Variants in TMEM260 observed in about 807,000 individuals in gnomAD.
The protein encoded by TMEM260 is protein O-mannosyl-transferase TMEM260.
A neutral mutation model predicts 88.9 loss-of-function variants in TMEM260; 82 were observed. That is an observed-to-expected ratio of 0.92 (90% CI 0.77 to 1.11). The LOEUF (loss-of-function observed/expected upper bound fraction) is 1.11, where lower values mean the gene tolerates loss of function less well. Ranked by LOEUF, TMEM260 falls within the 50% of genes least tolerant of loss-of-function variation. TMEM260 has a pLI of 0.00. For missense variants in TMEM260, 902 were observed against 853.4 expected, an observed-to-expected ratio of 1.06 and a Z score of -0.71; for synonymous variants, 314 against 309.3, an observed-to-expected ratio of 1.02 and a Z score of -0.16.
intron 6 of TMEM260, among the ~76,000 whole-genome samples, chr14:56,610,656 AAAG>A (rs1887202479): frequency 6.6e-6 from 1 of 152,196 alleles, no homozygotes; most frequent in South Asian, 2.1e-4. Context: ...TCATAATAAA[AAAG>A]TATTAATTAT....
chr14:56,661,379 G>A, the TMEM260 span, among the ~76,000 whole-genome samples: 1 of 152,152 alleles, frequency 6.6e-6, no homozygotes, highest in African/African-American at 2.4e-5. Flanking sequence ...CCTCGGTGGT[G>A]GAGCAGGAGA....
intron 15 of TMEM260, among the ~76,000 whole-genome samples, chr14:56,643,423 A>G (rs560289763): frequency 6.6e-6 from 1 of 152,300 alleles, no homozygotes; most frequent in African/African-American, 2.4e-5. Flanking sequence ...TGATTATCTC[A>G]ATAGATGCAG....
intron 12 of TMEM260, among the ~76,000 whole-genome samples, chr14:56,630,287 A>G (rs1019822507): frequency 6.6e-6 from 1 of 152,176 alleles, no homozygotes; most frequent in African/African-American, 2.4e-5. Flanking sequence ...GTAAGATTGT[A>G]TCTTTCACAA....
At chr14:56,629,348 T>C (rs1452412603) in intron 12 of TMEM260, among the ~76,000 whole-genome samples, 3 of 149,970 alleles carry the variant, frequency 2.0e-5, no homozygotes, top group Non-Finnish European at 4.4e-5. Context: ...TACTTAGGAG[T>C]AATAATTTAC....
intron 3 of TMEM260, among the ~76,000 whole-genome samples, chr14:56,600,912 AG>A (rs1236422176): frequency 1.3e-5 from 2 of 152,196 alleles, no homozygotes; most frequent in African/African-American, 4.8e-5. Context: ...TATTTTACTC[AG>A]TGGTTTCACA....
At chr14:56,621,330 A>AT (rs142937037) in intron 10 of TMEM260, among the ~76,000 whole-genome samples, 17,201 of 152,004 alleles carry the variant, frequency 0.11, 1,516 homozygotes, top group African/African-American at 0.24. Context: ...CAGTAGACTG[A>AT]TTTTTTTTCA....
At chr14:56,584,729 C>T (rs191258475) in intron 1 of TMEM260, among the ~76,000 whole-genome samples, 7 of 152,246 alleles carry the variant, frequency 4.6e-5, no homozygotes. Context: ...GTGGATACAA[C>T]TTTCAAGAGG....
At chr14:56,599,143 T>C (rs971728589) in intron 3 of TMEM260, among the ~76,000 whole-genome samples, 3 of 152,048 alleles carry the variant, frequency 2.0e-5, no homozygotes, top group Non-Finnish European at 2.9e-5. Flanking sequence ...CCTTCTTACC[T>C]CCTCCATTAG....
In TMEM260 at chr14:56,647,735, A is replaced by T. The variant is rs1461694044; in HGVS notation, c.*238A>T. 4.1e-6 allele frequency: 2 copies of T among 482,760 alleles called. No individual in the cohort carries two copies. Among genetic ancestry groups the T allele is most frequent in the East Asian group, 7.7e-5 (2 of 26,006 alleles). 29.9% of individuals were successfully genotyped at this position (482,760 alleles called of 1,614,324 possible). On this transcript the variant is annotated 3_prime_UTR_variant, in exon 16 of 16. Coordinates refer to ENST00000261556, the MANE Select transcript of TMEM260 (RefSeq NM_017799.4). ...TTACCATTTCAGTGAGAAGCTTTTG[A>T]AAAGTCTTCTGACTTCCAGTCTTTC...
chr14:56,619,466 A>G (rs1370681756), intron 10 of TMEM260: 1 of 152,106 alleles, frequency 6.6e-6, no homozygotes, highest in Non-Finnish European at 1.5e-5. Context: ...GAACCACTAT[A>G]CCAGCCTTAA....
At position 56,636,548 on chromosome 14, in the gene TMEM260, G is replaced by A. The variant is rs1889097161; in HGVS notation, c.1819G>A (p.Ala607Thr). The A allele has an allele frequency of 1.9e-6, 3 of 1,613,984 alleles. No homozygotes were observed. Among genetic ancestry groups the A allele is most frequent in the Non-Finnish European group, 2.5e-6 (3 of 1,179,970 alleles). The change falls in exon 15 of 16, where the codon GCT becomes ACT. Residue 607 changes from alanine (A) to threonine (T), a missense_variant. Ala to Thr is a moderately conservative substitution (Grantham distance 58). Transcript: ENST00000261556. Reference protein sequence around the residue: ...PFFIFNLAETAHMPSKVKAQL... With the variant: ...PFFIFNLAETTHMPSKVKAQL... ...CTTCATCTTTAACCTGGCAGAAACT[G>A]CTCACATGCCTTCAAAAGTGAAAGC...
At chr14:56,579,620 G>A, upstream of TMEM260, 1 of 331,920 alleles carries the variant, frequency 3.0e-6, no homozygotes, top group Non-Finnish European at 5.4e-6. Context: ...GGCCGGGCTT[G>A]CTTTTTAAAG....
Position 56,587,413 on chromosome 14 carries a change from G to A in TMEM260, c.344+1501G>A, listed in dbSNP as rs1042022278. On this transcript the variant is annotated intron_variant, in intron 3 of 15. Coordinates refer to ENST00000261556, the MANE Select transcript of TMEM260 (RefSeq NM_017799.4). ...CCATATGAGAACTACTGTAAGAATCGTAAATAAAAGTCTTAAAAATTTACA... is the reference window on the plus strand; with the variant it reads ...CCATATGAGAACTACTGTAAGAATCATAAATAAAAGTCTTAAAAATTTACA... Among the ~76,000 whole-genome samples, 9 of 151,794 alleles carry A rather than the reference G, an allele frequency of 5.9e-5. No individual in the cohort carries two copies. In the South Asian group the frequency reaches 6.2e-4, roughly 10 times the overall value.
rs146422375 is a variant in TMEM260, at chr14:56,636,583, C to A, written c.1854C>A (p.Tyr618Ter). Residue 618 changes from tyrosine to a stop codon, truncating the protein, a stop_gained, in exon 15 of 16, where the codon TAC becomes TAA. Coordinates refer to ENST00000261556, the MANE Select transcript of TMEM260 (RefSeq NM_017799.4). LOFTEE classifies it high-confidence loss of function. The part of the protein sequence containing the change: ...HMPSKVKAQL[Y>*]AQAYDLYKEI... ...CTTCAAAAGTGAAAGCTCAACTCTA[C>A]GCTCAAGCATATGACGTATGTTACA... 1 of 1,613,780 alleles carries A rather than the reference C, an allele frequency of 6.2e-7. No individual in the cohort carries two copies. Among genetic ancestry groups the A allele is most frequent in the Admixed American group, 1.7e-5 (1 of 60,006 alleles).
downstream of TMEM260, among the ~76,000 whole-genome samples, chr14:56,653,741 C>CAAAAAAAAAACAAAACA (rs1555343551): frequency 1.0e-5 from 1 of 97,912 alleles, no homozygotes; most frequent in Admixed American, 1.0e-4. Flanking sequence ...GTCTCCAAAA[C>CAAAAAAAAAACAAAACA]AAAAAAAAAA....
At chr14:56,649,704 T>G (rs1302728734), downstream of TMEM260, among the ~76,000 whole-genome samples, 1 of 145,164 alleles carries the variant, frequency 6.9e-6, no homozygotes, top group Non-Finnish European at 1.5e-5. Flanking sequence ...AAGACCTCTT[T>G]TTGAGACTGT....
intron 15 of TMEM260, among the ~76,000 whole-genome samples, chr14:56,641,769 C>A (rs1290067016): frequency 6.6e-6 from 1 of 152,158 alleles, no homozygotes; most frequent in Admixed American, 6.6e-5. Context: ...TTCAGGAAAC[C>A]CATCTCACGT....
chr14:56,582,084 A>G (rs1885175313), intron 1 of TMEM260, among the ~76,000 whole-genome samples: 1 of 152,218 alleles, frequency 6.6e-6, no homozygotes, highest in South Asian at 2.1e-4. Context: ...ACTGTTTTCC[A>G]AGTATATGCC....
the TMEM260 span, among the ~76,000 whole-genome samples, chr14:56,658,801 GCT>G: frequency 6.6e-6 from 1 of 151,006 alleles, no homozygotes; most frequent in Non-Finnish European, 1.5e-5. Context: ...TATGATCTCA[GCT>G]CACCGCAACC....
Sources: gnomAD v4.1 joint callset for allele counts (sites outside exome capture counted in the v4.1 genomes callset) on GRCh38, gnomAD v4.1.1 for gene constraint, MANE v1.5 for transcripts, NCBI Gene and HGNC (gene_info 2026-07-23, HGNC 2026-07-21) for gene names.